ERN2: variants seen among roughly 807,000 people sequenced by gnomAD.
ERN2 encodes serine/threonine-protein kinase/endoribonuclease IRE2.
ERN2 carries 111 observed loss-of-function variants against 107.9 expected under a neutral mutation model. The ratio of observed to expected loss-of-function variants is 1.03; its 90% confidence interval spans 0.88 to 1.20. ERN2 has a LOEUF of 1.20. Among genes scored for constraint, ERN2 ranks in the 50% most tolerant of loss-of-function variants. The pLI, the probability that ERN2 is intolerant of heterozygous loss-of-function variation, is 0.00. For synonymous variants in ERN2, 524 were observed against 501.7 expected, an observed-to-expected ratio of 1.04 and a Z score of -0.59; for missense variants, 1,225 against 1,197.9, an observed-to-expected ratio of 1.02 and a Z score of -0.33.
intron 1 of ERN2, chr16:23,712,801 C>T: frequency 2.6e-6 from 1 of 384,498 alleles, no homozygotes; most frequent in Non-Finnish European, 4.6e-6. Context: ...CTTTCGTGCC[C>T]AGGTGCCCCC....
chr16:23,706,486 C>A, intron 6 of ERN2, 55 bp from the exon 7 acceptor site: 8 of 1,306,918 alleles, frequency 6.1e-6, no homozygotes, highest in Non-Finnish European at 8.7e-6. Flanking sequence ...CTCCCTCCAA[C>A]CCCAGGGGCC....
chr16:23,692,460 G>A (rs1478367357), intron 17 of ERN2, 129 bp from the exon 18 acceptor site: 1 of 909,364 alleles, frequency 1.1e-6, no homozygotes, highest in African/African-American at 1.6e-5. Context: ...TGCTTCCTGG[G>A]CAGCATCTCC....
intron 13 of ERN2, among the ~76,000 whole-genome samples, chr16:23,700,057 G>A (rs924722013): frequency 6.6e-6 from 1 of 152,142 alleles, no homozygotes; most frequent in Non-Finnish European, 1.5e-5. Flanking sequence ...AGCTGGGCAT[G>A]GTGACTCATG....
chr16:23,707,173 A>C (rs1960354853), intron 4 of ERN2, 94 bp from the exon 5 acceptor site: 1 of 859,118 alleles, frequency 1.2e-6, no homozygotes, highest in Non-Finnish European at 2.0e-6. Flanking sequence ...ACCAATTAAC[A>C]GGTATTACTA....
At chr16:23,705,627 G>A (rs1960274169) in intron 7 of ERN2, among the ~76,000 whole-genome samples, 1 of 151,996 alleles carries the variant, frequency 6.6e-6, no homozygotes, top group South Asian at 2.1e-4. Context: ...ATATCAAGGG[G>A]GTGGGCCAGG....
Position 23,702,423 on chromosome 16 carries a change from T to C in ERN2, c.1048A>G (p.Ser350Gly), listed in dbSNP as rs1960119202. 1 of 1,613,682 alleles carries C rather than the reference T, an allele frequency of 6.2e-7. No individual in the cohort carries two copies. Among genetic ancestry groups the C allele is most frequent in the Non-Finnish European group, 8.5e-7 (1 of 1,179,988 alleles). The stretch of plus-strand genomic sequence containing the variant: ...AGCCACTGGCTTGGGAGGGCCACAC[T>C]GCCTGAGGGGTATCTAACAGCAGTG... ...PSTAVRYPSGSVALPSQWLLI... is the reference protein window; with the variant it reads ...PSTAVRYPSGGVALPSQWLLI... Residue 350 changes from serine to glycine, a missense_variant, in exon 10 of 22, where the codon AGT becomes GGT. By Grantham distance (56) the Ser-to-Gly change is moderately conservative (BLOSUM62 0). Transcript: ENST00000256797.
intron 17 of ERN2, among the ~76,000 whole-genome samples, chr16:23,693,953 A>G (rs899000760): frequency 1.3e-5 from 2 of 152,196 alleles, no homozygotes; most frequent in Non-Finnish European, 2.9e-5. Context: ...CCAGGCAATT[A>G]GGTAAAAATC....
intron 4 of ERN2, 174 bp from the exon 5 acceptor site, chr16:23,707,253 C>G: frequency 1.6e-6 from 1 of 619,690 alleles, no homozygotes; most frequent in South Asian, 1.9e-5. Flanking sequence ...TGTCACACAG[C>G]TACTAAATGG....
intron 13 of ERN2, 69 bp from the exon 14 acceptor site, chr16:23,696,047 A>T: frequency 8.6e-7 from 1 of 1,160,606 alleles, no homozygotes; most frequent in Non-Finnish European, 1.3e-6. Context: ...CCCAGTCCAG[A>T]CTCACCTTGA....
intron 6 of ERN2, 110 bp downstream of exon 6, chr16:23,706,644 G>A: frequency 1.2e-6 from 1 of 826,936 alleles, no homozygotes. Flanking sequence ...GTTTGTTGAT[G>A]ACTAACAGAC....
chr16:23,706,111 T>G (rs1960295962), intron 7 of ERN2: 3 of 476,146 alleles, frequency 6.3e-6, no homozygotes, highest in South Asian at 3.5e-5. Flanking sequence ...TATAGAAGAG[T>G]TAGGAGGTTG....
chr16:23,700,594 G>T lies in ERN2; in HGVS notation c.1470C>A (p.Ser490Arg), dbSNP rs774318711. 31 of 1,613,988 alleles carry T rather than the reference G, an allele frequency of 1.9e-5. No homozygotes were observed. The highest frequency in any genetic ancestry group is 2.6e-5 in the Non-Finnish European group (31 of 1,180,014). Reference protein sequence around the residue: ...QSLHSGASRRSQKRLQSPSKQ... With the variant: ...QSLHSGASRRRQKRLQSPSKQ... ...TTGAGGGACTCTGAAGCCTCTTCTG[G>T]CTCCTCCGGCTGGCCCCCGAGTGCA... The change falls in exon 13 of 22, where the codon AGC (serine) becomes AGA (arginine). Residue 490 changes from serine to arginine, a missense_variant. Ser to Arg is a moderately radical substitution (Grantham distance 110). Coordinates refer to ENST00000256797, the MANE Select transcript of ERN2 (RefSeq NM_033266.4).
intron 13 of ERN2, among the ~76,000 whole-genome samples, chr16:23,699,581 G>A (rs534201623): frequency 2.6e-5 from 4 of 152,156 alleles, no homozygotes; most frequent in East Asian, 1.9e-4. Context: ...ACACCACCAC[G>A]CCCGGCGAAT....
chr16:23,691,500 GAGTAGTTT>G, intron 19 of ERN2, 75 bp from the exon 20 acceptor site: 1 of 1,528,400 alleles, frequency 6.5e-7, no homozygotes, highest in Non-Finnish European at 8.8e-7. Context: ...TGTCTTACAG[GAGTAGTTT>G]AGGGTGACTG....
chr16:23,701,288 G>A (rs566214910), intron 11 of ERN2, among the ~76,000 whole-genome samples, 174 bp from the exon 12 acceptor site: 3 of 152,252 alleles, frequency 2.0e-5, no homozygotes, highest in African/African-American at 4.8e-5. Context: ...CCAGAAGAAC[G>A]GTTTTCTAAA....
At position 23,710,175 on chromosome 16, in the gene ERN2, T is replaced by C. The variant is rs1960482449; in HGVS notation, c.303A>G (p.Leu101=). Residue 101 remains leucine, a synonymous_variant, in exon 4 of 22, where the codon TTA becomes TTG. Coordinates refer to ENST00000256797, the MANE Select transcript of ERN2 (RefSeq NM_033266.4). Reference sequence around the variant, plus strand: ...CCGAACACCATGGGATACAAACCATTAATCCCTGTTGTTTTTGGGTCCCCA... The same window carrying C: ...CCGAACACCATGGGATACAAACCATCAATCCCTGTTGTTTTTGGGTCCCCA... ...YILGTQKQQG[L]MKLPFTIPEL... 6.2e-7 allele frequency: 1 copy of C among 1,611,012 alleles called. No individual in the cohort carries two copies.
In ERN2 at chr16:23,704,627, C is replaced by T. The variant is rs191206035; in HGVS notation, c.854+256G>A. The stretch of plus-strand genomic sequence containing the variant: ...ATCAGCAGCATGAAACAGACTAATA[C>T]ACCCTCCTAGGCCAGATCTTACCGT... On this transcript the variant is annotated intron_variant, in intron 8 of 21. Transcript: ENST00000256797. 3.2e-4 allele frequency among the ~76,000 whole-genome samples: 48 copies of T among 152,262 alleles called. 1 individual carries two copies. Among genetic ancestry groups the T allele is most frequent in the Admixed American group, 5.2e-4 (8 of 15,296 alleles).
rs760437116 is a variant in ERN2, at chr16:23,690,327, C to A, written c.*504G>T. 4.1e-5 allele frequency: 23 copies of A among 566,744 alleles called. No homozygotes were observed. Among genetic ancestry groups the A allele is most frequent in the Non-Finnish European group, 6.7e-5 (21 of 315,476 alleles). The allele number at this position is 566,744 out of a possible 1,614,324, so 35.1% of individuals were successfully genotyped here. ...TATTTCTATTGAATTCGGAACTGTC[C>A]TTTCCTTGGCTTTATGCACATTAAA... On this transcript the variant is annotated 3_prime_UTR_variant, in exon 22 of 22. Coordinates refer to ENST00000256797, the MANE Select transcript of ERN2 (RefSeq NM_033266.4).
rs368715746 is a variant in ERN2, at chr16:23,691,340, T to C, written c.2462A>G (p.Asp821Gly). Reference protein sequence around the residue: ...LEAGGCAVVRDNWHEHISMPL... With the variant: ...LEAGGCAVVRGNWHEHISMPL... ...CATGGAGATGTGCTCGTGCCAGTTG[T>C]CCCGGACCACTGCGCAGCCTCCCGC... The change falls in exon 20 of 22, where the codon GAC becomes GGC. Residue 821 changes from aspartate to glycine, a missense_variant. By Grantham distance (94) the Asp-to-Gly change is moderately conservative. Coordinates refer to ENST00000256797, the MANE Select transcript of ERN2 (RefSeq NM_033266.4). 1.6e-5 allele frequency: 26 copies of C among 1,607,262 alleles called. No individual in the cohort carries two copies. Among genetic ancestry groups the C allele is most frequent in the Non-Finnish European group, 2.2e-5 (26 of 1,179,970 alleles).
Sources: gnomAD v4.1 joint callset for allele counts (sites outside exome capture counted in the v4.1 genomes callset) on GRCh38, gnomAD v4.1.1 for gene constraint, MANE v1.5 for transcripts, NCBI Gene and HGNC (gene_info 2026-07-23, HGNC 2026-07-21) for gene names.